The following SPAG6 variants were observed in gnomAD, a reference collection of about 807,000 sequenced individuals.
SPAG6 encodes sperm-associated antigen 6.
A neutral mutation model predicts 58.5 loss-of-function variants in SPAG6; 49 were observed. The observed-to-expected ratio is 0.84, with a 90% CI of 0.67 to 1.06. The LOEUF is 1.06. SPAG6 is among the 50% of genes least tolerant of loss of function. The pLI is 0.00. For synonymous variants in SPAG6, 233 were observed against 225.6 expected (o/e 1.03, Z -0.29); for missense variants, 560 against 611.3 (o/e 0.92, Z 0.89).
At chr10:22,361,689 CAAAAG>C (rs1344647059) in intron 2 of SPAG6, among the ~76,000 whole-genome samples, 1 of 151,256 alleles carries the variant, frequency 6.6e-6, no homozygotes, top group Admixed American at 6.6e-5. Context: ...GACTCCGTCT[CAAAAG>C]AAAAAAAAGT....
intron 10 of SPAG6, chr10:22,411,415 T>C (rs1309311893): frequency 8.1e-6 from 3 of 368,902 alleles, no homozygotes; most frequent in Non-Finnish European, 9.7e-6. Flanking sequence ...TAATTTAACA[T>C]GTGCTTTACT....
At chr10:22,376,677 C>G (rs1475251456) in intron 4 of SPAG6, among the ~76,000 whole-genome samples, 1 of 151,918 alleles carries the variant, frequency 6.6e-6, no homozygotes, top group Non-Finnish European at 1.5e-5. Flanking sequence ...AGCCAGCCTC[C>G]CACATCGTGT....
chr10:22,351,507 C>A (rs2132029673), intron 2 of SPAG6, among the ~76,000 whole-genome samples: 1 of 152,278 alleles, frequency 6.6e-6, no homozygotes, highest in East Asian at 1.9e-4. Flanking sequence ...TGACTGCTCT[C>A]CTGGGCTTTT....
At chr10:22,382,864 G>C (rs1833985490) in intron 4 of SPAG6, among the ~76,000 whole-genome samples, 1 of 152,130 alleles carries the variant, frequency 6.6e-6, no homozygotes, top group Non-Finnish European at 1.5e-5. Flanking sequence ...TCATATTGAA[G>C]AAAATTTGGC....
At chr10:22,409,483 T>C (rs1036671245) in intron 9 of SPAG6, among the ~76,000 whole-genome samples, 2 of 152,210 alleles carry the variant, frequency 1.3e-5, no homozygotes, top group Non-Finnish European at 1.5e-5. Context: ...TAAGTTGTTC[T>C]TCAGGGAACT....
intron 10 of SPAG6, among the ~76,000 whole-genome samples, chr10:22,416,372 C>T (rs970205953): frequency 6.6e-6 from 1 of 152,136 alleles, no homozygotes; most frequent in Non-Finnish European, 1.5e-5. Flanking sequence ...TGGAAAATGT[C>T]CCCTTTGCCA....
chr10:22,370,374 A>G (rs776625410), intron 4 of SPAG6, among the ~76,000 whole-genome samples: 4 of 152,220 alleles, frequency 2.6e-5, no homozygotes, highest in Non-Finnish European at 5.9e-5. Flanking sequence ...TTGGGTGGGC[A>G]TTACTCTCCC....
intron 3 of SPAG6, 137 bp from the exon 4 acceptor site, chr10:22,368,358 G>A: frequency 1.6e-6 from 1 of 620,582 alleles, no homozygotes; most frequent in Non-Finnish European, 2.7e-6. Flanking sequence ...TTTGCAGGAT[G>A]TTTTTCATCT....
At chr10:22,384,881 A>C (rs962884280) in intron 4 of SPAG6, among the ~76,000 whole-genome samples, 2 of 152,258 alleles carry the variant, frequency 1.3e-5, no homozygotes, top group African/African-American at 4.8e-5. Flanking sequence ...AATGGGAATT[A>C]TAAAGATAGA....
chr10:22,367,462 C>T (rs949828928), intron 3 of SPAG6, among the ~76,000 whole-genome samples: 3 of 152,048 alleles, frequency 2.0e-5, no homozygotes, highest in Middle Eastern at 3.4e-3. Flanking sequence ...GTGTTTTTTT[C>T]TCCTGTAATT....
At chr10:22,358,393 G>A (rs1195205725) in intron 2 of SPAG6, among the ~76,000 whole-genome samples, 5 of 152,018 alleles carry the variant, frequency 3.3e-5, no homozygotes, top group South Asian at 2.1e-4. Flanking sequence ...CTTTTGAGAA[G>A]TGTCTGTTCA....
At chr10:22,398,724 G>A (rs1834347922) in intron 8 of SPAG6, among the ~76,000 whole-genome samples, 1 of 152,084 alleles carries the variant, frequency 6.6e-6, no homozygotes, top group Non-Finnish European at 1.5e-5. Flanking sequence ...GTGAGATCCT[G>A]TCTTTAAAAA....
intron 4 of SPAG6, among the ~76,000 whole-genome samples, chr10:22,369,731 C>T (rs1386804434): frequency 1.3e-5 from 2 of 152,100 alleles, no homozygotes; most frequent in Non-Finnish European, 1.5e-5. Flanking sequence ...ACATGTAAAG[C>T]ACTTAGGTCG....
chr10:22,350,691 A>T (rs1263937560), intron 2 of SPAG6, among the ~76,000 whole-genome samples: 1 of 152,234 alleles, frequency 6.6e-6, no homozygotes, highest in East Asian at 1.9e-4. Flanking sequence ...TTTGGTGTTG[A>T]TGCCTCAAGG....
At chr10:22,414,772 A>T (rs530884193) in intron 10 of SPAG6, among the ~76,000 whole-genome samples, 2 of 152,080 alleles carry the variant, frequency 1.3e-5, no homozygotes, top group Non-Finnish European at 2.9e-5. Context: ...TCTTAAATTA[A>T]TTAATTTTTT....
At chr10:22,391,133 G>C (rs1834174464) in intron 7 of SPAG6, among the ~76,000 whole-genome samples, 1 of 152,190 alleles carries the variant, frequency 6.6e-6, no homozygotes, top group South Asian at 2.1e-4. Context: ...TGTAACAAAA[G>C]TAGTCGTTGT....
intron 3 of SPAG6, 30 bp downstream of exon 3, chr10:22,365,049 T>A: frequency 6.6e-7 from 1 of 1,519,562 alleles, no homozygotes; most frequent in Non-Finnish European, 8.9e-7. Flanking sequence ...AGTTATATGT[T>A]TTTTTGTTTT....
At chr10:22,371,977 A>G (rs1365685826) in intron 4 of SPAG6, among the ~76,000 whole-genome samples, 1 of 152,166 alleles carries the variant, frequency 6.6e-6, no homozygotes, top group Non-Finnish European at 1.5e-5. Context: ...CAGTTATTGA[A>G]TACACATGGT....
At chr10:22,346,295 G>C (rs1451877568) in intron 2 of SPAG6, among the ~76,000 whole-genome samples, 1 of 152,074 alleles carries the variant, frequency 6.6e-6, no homozygotes, top group Non-Finnish European at 1.5e-5. Context: ...GTAGAGACCA[G>C]ACTTTGCGAA....
Sources: gnomAD v4.1 joint callset for allele counts (sites outside exome capture counted in the v4.1 genomes callset) on GRCh38, gnomAD v4.1.1 for gene constraint, MANE v1.5 for transcripts, NCBI Gene and HGNC (gene_info 2026-07-23, HGNC 2026-07-21) for gene names.